Variants in PCDHGA7 observed in about 807,000 individuals in gnomAD.
The protein encoded by PCDHGA7 is protocadherin gamma-A7.
PCDHGA7 carries 44 observed loss-of-function variants against 58.3 expected under a neutral mutation model. That is an observed-to-expected ratio of 0.75 (90% CI 0.59 to 0.97). The LOEUF is 0.97. Ranked by LOEUF, PCDHGA7 falls within the 50% of genes least tolerant of loss-of-function variation. The pLI, the probability that PCDHGA7 is intolerant of heterozygous loss-of-function variation, is 0.00. For synonymous variants in PCDHGA7, 516 were observed against 504.2 expected (o/e 1.02, Z -0.31); for missense variants, 1,266 against 1,188.7 (o/e 1.06, Z -0.96).
At chr5:141,422,789 TC>T (rs1561803924) in intron 1 of PCDHGA7, 44 of 1,614,158 alleles carry the variant, frequency 2.7e-5, no homozygotes, top group Non-Finnish European at 3.6e-5. Context: ...CTACAATCCT[TC>T]GACTATGAGC....
chr5:141,415,529 G>C, intron 1 of PCDHGA7: 1 of 1,614,184 alleles, frequency 6.2e-7, no homozygotes, highest in South Asian at 1.1e-5. Context: ...ACGCTCATCA[G>C]CCAGGAGAGC....
intron 1 of PCDHGA7, chr5:141,388,386 C>G: frequency 6.2e-7 from 1 of 1,613,944 alleles, no homozygotes; most frequent in Non-Finnish European, 8.5e-7. Flanking sequence ...CAACACACTG[C>G]AGAATTACCA....
chr5:141,399,659 T>A (rs1277891886), intron 1 of PCDHGA7: 1 of 1,613,684 alleles, frequency 6.2e-7, no homozygotes, highest in African/African-American at 1.3e-5. Flanking sequence ...GGGGTGGTGT[T>A]CGCGCAGCGC....
chr5:141,388,657 G>C (rs769160604), intron 1 of PCDHGA7: 2 of 1,613,878 alleles, frequency 1.2e-6, no homozygotes, highest in African/African-American at 1.3e-5. Flanking sequence ...GTGTACCCGG[G>C]GACCACGGTG....
At position 141,423,166 on chromosome 5, in the gene PCDHGA7, G is replaced by A. The variant is rs367805855; in HGVS notation, c.2424+37843G>A. ...GCTCAAGCAGAGCCTCGTGGTGGCC[G>A]TCCAGGACCACGGCCAGCCCCCTCT... On this transcript the variant is annotated intron_variant, in intron 1 of 3. Transcript: ENST00000518325. 2.4e-5 allele frequency: 38 copies of A among 1,613,476 alleles called. No individual in the cohort carries two copies. The South Asian group carries it at 2.5e-4, about 11-fold the overall frequency.
At position 141,490,381 on chromosome 5, in the gene PCDHGA7, A is replaced by T. The variant is rs770046796; in HGVS notation, c.2425-4426A>T. 1 of 1,614,240 alleles carries T rather than the reference A, an allele frequency of 6.2e-7. No homozygotes were observed. The highest frequency in any genetic ancestry group is 1.1e-5 in the South Asian group (1 of 91,090). On this transcript the variant is annotated intron_variant, in intron 1 of 3. Coordinates refer to ENST00000518325, the MANE Select transcript of PCDHGA7 (RefSeq NM_018920.4). This position sits in a 1 kb window ranked among gnomAD's most constrained non-coding sequence, Gnocchi z 5.4. ...TAATGTGCGAGACCGGGACTCAGGT[A>T]GAAATGGTGAAGTGAGCCTTGATAT...
intron 1 of PCDHGA7, chr5:141,492,033 C>A: frequency 1.8e-6 from 1 of 548,342 alleles, no homozygotes; most frequent in Non-Finnish European, 3.1e-6. Flanking sequence ...CGGGAGGAGG[C>A]AGTCACAGAT....
chr5:141,458,594 G>A (rs1226490392), intron 1 of PCDHGA7, among the ~76,000 whole-genome samples: 2 of 151,612 alleles, frequency 1.3e-5, no homozygotes, highest in South Asian at 2.1e-4. Flanking sequence ...TTTTGGAGAC[G>A]AGTCTCACTC....
At chr5:141,396,656 G>A (rs6580187) in intron 1 of PCDHGA7, 27,943 of 151,880 alleles carry the variant, frequency 0.18, 3,100 homozygotes, top group African/African-American at 0.31. Flanking sequence ...GTAAAAACTC[G>A]GTATAGGCTA....
Position 141,490,672 on chromosome 5 carries a change from G to A in PCDHGA7, c.2425-4135G>A. ...GGGCTCCCTTCTTTGCACTGTGGCT[G>A]CCTCAGATCCAGACACTGGGGATAA... is the stretch of plus-strand genomic sequence containing the variant. On this transcript the variant is annotated intron_variant, in intron 1 of 3. Transcript: ENST00000518325. This position sits in a 1 kb window ranked among gnomAD's most constrained non-coding sequence, Gnocchi z 5.4. 1.2e-6 allele frequency: 2 copies of A among 1,614,114 alleles called. No homozygotes were observed. Among genetic ancestry groups the A allele is most frequent in the Non-Finnish European group, 1.7e-6 (2 of 1,179,996 alleles).
chr5:141,484,532 G>A (rs1421387882), intron 1 of PCDHGA7, among the ~76,000 whole-genome samples: 1 of 152,182 alleles, frequency 6.6e-6, no homozygotes, highest in Non-Finnish European at 1.5e-5. Context: ...TTGAGTATAT[G>A]GCAGTGGTTC....
At position 141,489,207 on chromosome 5, in the gene PCDHGA7, A is replaced by T; in HGVS notation, c.2425-5600A>T. The T allele has an allele frequency of 6.9e-7, 1 of 1,452,692 alleles. No homozygotes were observed. The highest frequency in any genetic ancestry group is 9.3e-7 in the Non-Finnish European group (1 of 1,073,586). 90.0% of individuals were successfully genotyped at this position (1,452,692 alleles called of 1,614,324 possible). ...GGGTCTACCTTGGAGACAGGACAGC[A>T]CAGACTTACTCTCCACAAAGGGACT... On this transcript the variant is annotated intron_variant, in intron 1 of 3. Transcript: ENST00000518325. The surrounding 1 kb of genome is among the most constrained non-coding windows in gnomAD (Gnocchi z 4.5).
At chr5:141,435,215 C>G (rs4912753) in intron 1 of PCDHGA7, among the ~76,000 whole-genome samples, 81,908 of 151,924 alleles carry the variant, frequency 0.54, 24,122 homozygotes, top group African/African-American at 0.79. Flanking sequence ...AGTGAATTTA[C>G]TTTCTTTCAA....
At chr5:141,399,348 C>G (rs1287526689) in intron 1 of PCDHGA7, 1 of 1,613,940 alleles carries the variant, frequency 6.2e-7, no homozygotes, top group Non-Finnish European at 8.5e-7. Flanking sequence ...GAACCCTAGA[C>G]CGAGAGCAAA....
Position 141,422,832 on chromosome 5 carries a change from A to G in PCDHGA7, c.2424+37509A>G, listed in dbSNP as rs12520854. On this transcript the variant is annotated intron_variant, in intron 1 of 3. Coordinates refer to ENST00000518325, the MANE Select transcript of PCDHGA7 (RefSeq NM_018920.4). Reference sequence around the variant, plus strand: ...GAGACTTAGAACTGAGAGTGATAGCACGTGACAGCGGGGACCCGCCCCTCA... The same window carrying G: ...GAGACTTAGAACTGAGAGTGATAGCGCGTGACAGCGGGGACCCGCCCCTCA... The G allele has an allele frequency of 6.8e-3, 10,902 of 1,614,192 alleles. 60 individuals are homozygous for G. The highest frequency in any genetic ancestry group is 7.9e-3 in the Non-Finnish European group (9,294 of 1,180,036).
chr5:141,417,833 G>A (rs968698994), intron 1 of PCDHGA7: 8 of 1,529,614 alleles, frequency 5.2e-6, no homozygotes, highest in Middle Eastern at 1.7e-4. Context: ...TGGAAAAGCG[G>A]GGACCCAGCG....
intron 1 of PCDHGA7, chr5:141,479,772 G>A (rs904607838): frequency 1.3e-5 from 2 of 152,192 alleles, no homozygotes; most frequent in Non-Finnish European, 2.9e-5. Flanking sequence ...CATATCCTTA[G>A]ACAGGTAAAG....
rs757755103 is a variant in PCDHGA7 at position 141,432,638 on chromosome 5, C to A, written c.2424+47315C>A. On this transcript the variant is annotated intron_variant, in intron 1 of 3. Coordinates refer to ENST00000518325, the MANE Select transcript of PCDHGA7 (RefSeq NM_018920.4). The surrounding 1 kb of genome is among the most constrained non-coding windows in gnomAD (Gnocchi z 6.0). ...GGTGGGTCTGCACACGGGCGAGGTG[C>A]GCACGGCGCGAGCCCTGCTGGACAG... The A allele has an allele frequency of 6.2e-6, 10 of 1,613,810 alleles. No homozygotes were observed. Among genetic ancestry groups the A allele is most frequent in the African/African-American group, 1.3e-5 (1 of 75,064 alleles).
At chr5:141,399,641 C>T (rs747527070) in intron 1 of PCDHGA7, 5 of 1,613,852 alleles carry the variant, frequency 3.1e-6, no homozygotes, top group Non-Finnish European at 4.2e-6. Context: ...TCCATGAGCG[C>T]GCAAAGTGGG....
Sources: allele counts gnomAD v4.1 joint callset (sites outside exome capture counted in the v4.1 genomes callset), GRCh38; gene constraint gnomAD v4.1.1; non-coding constraint Gnocchi (gnomAD v3.1); transcripts MANE v1.5; gene names NCBI Gene and HGNC (gene_info 2026-07-23, HGNC 2026-07-21).